The following BABAM2 variants were observed in gnomAD, a reference collection of about 807,000 sequenced individuals.
The protein encoded by BABAM2 is BRISC and BRCA1-A complex member 2.
In BABAM2, 31 loss-of-function variants were observed where a neutral mutation model predicts 54.7. That is an observed-to-expected ratio of 0.57 (90% CI 0.43 to 0.77). The LOEUF is 0.77. Ranked by LOEUF, BABAM2 falls within the 30% of genes least tolerant of loss-of-function variation. BABAM2 has a pLI of 0.00. For missense variants in BABAM2, 364 were observed against 455.8 expected (o/e 0.80, Z 1.83); for synonymous variants, 167 against 162.9 (o/e 1.03, Z -0.19).
At chr2:28,101,413 G>T (rs1667070149) in intron 6 of BABAM2, among the ~76,000 whole-genome samples, 1 of 152,144 alleles carries the variant, frequency 6.6e-6, no homozygotes, top group South Asian at 2.1e-4. Context: ...GGTATATGTT[G>T]GCATGTGAAG....
chr2:28,080,618 G>T (rs1245011901), intron 6 of BABAM2, among the ~76,000 whole-genome samples: 1 of 152,166 alleles, frequency 6.6e-6, no homozygotes, highest in South Asian at 2.1e-4. Flanking sequence ...TGTTAGAAGA[G>T]ACCAATCTGT....
intron 7 of BABAM2, among the ~76,000 whole-genome samples, chr2:28,160,181 T>C (rs1256180884): frequency 6.6e-6 from 1 of 152,084 alleles, no homozygotes; most frequent in Non-Finnish European, 1.5e-5. Flanking sequence ...GGGGCCTCAC[T>C]AAGTTGCTCA....
chr2:27,990,528 T>C (rs1221276572), intron 4 of BABAM2, among the ~76,000 whole-genome samples: 2 of 152,120 alleles, frequency 1.3e-5, no homozygotes, highest in Non-Finnish European at 2.9e-5. Context: ...ACAGAATGCC[T>C]AGATTTCTTG....
chr2:27,987,877 C>A, intron 3 of BABAM2, 116 bp from the exon 4 acceptor site: 3 of 803,610 alleles, frequency 3.7e-6, no homozygotes, highest in Non-Finnish European at 3.9e-6. Context: ...AAGTGCTTTT[C>A]AAATGGTTTT....
intron 3 of BABAM2, among the ~76,000 whole-genome samples, chr2:27,982,446 T>C (rs1445671383): frequency 1.3e-5 from 2 of 152,156 alleles, no homozygotes; most frequent in African/African-American, 4.8e-5. Flanking sequence ...TTTATTCTTA[T>C]GTTTCCTTGA....
At chr2:28,180,216 A>G (rs970108148) in intron 7 of BABAM2, among the ~76,000 whole-genome samples, 2 of 152,198 alleles carry the variant, frequency 1.3e-5, no homozygotes, top group Non-Finnish European at 2.9e-5. Context: ...ACTGCAAAAT[A>G]TATTACAAGA....
chr2:28,330,192 A>G (rs1055431907), intron 11 of BABAM2, among the ~76,000 whole-genome samples: 2 of 152,228 alleles, frequency 1.3e-5, no homozygotes, highest in African/African-American at 4.8e-5. Flanking sequence ...TCAAAATAAT[A>G]AGAGCCATTT....
chr2:28,224,353 A>G (rs1680676654), intron 7 of BABAM2, among the ~76,000 whole-genome samples: 1 of 152,338 alleles, frequency 6.6e-6, no homozygotes, highest in Non-Finnish European at 1.5e-5. Flanking sequence ...TAATTTAAAA[A>G]CAAGAAACAA....
intron 7 of BABAM2, among the ~76,000 whole-genome samples, chr2:28,166,849 A>G (rs772911046): frequency 7.9e-5 from 12 of 152,020 alleles, no homozygotes; most frequent in Non-Finnish European, 1.5e-4. Context: ...ACTTGCTTCC[A>G]TCTCCCCTTT....
At chr2:28,128,103 CGCCCA>C (rs1669728266) in intron 6 of BABAM2, among the ~76,000 whole-genome samples, 1 of 152,128 alleles carries the variant, frequency 6.6e-6, no homozygotes, top group Non-Finnish European at 1.5e-5. Context: ...TGAGCCACCG[CGCCCA>C]GCCGAGTAAT....
At chr2:28,099,445 G>A (rs1427966307) in intron 6 of BABAM2, among the ~76,000 whole-genome samples, 2 of 152,146 alleles carry the variant, frequency 1.3e-5, no homozygotes, top group Non-Finnish European at 2.9e-5. Context: ...ATAAGCACTT[G>A]TTGCATTAAC....
intron 6 of BABAM2, among the ~76,000 whole-genome samples, chr2:28,102,222 T>G (rs188777369): frequency 5.3e-5 from 8 of 152,198 alleles, no homozygotes; most frequent in Non-Finnish European, 8.8e-5. Context: ...AATGAAACGC[T>G]TTTTCACTGT....
intron 5 of BABAM2, among the ~76,000 whole-genome samples, chr2:28,033,239 T>C (rs1676426081): frequency 6.6e-6 from 1 of 152,062 alleles, no homozygotes; most frequent in Non-Finnish European, 1.5e-5. Flanking sequence ...TTATTATTAT[T>C]TATTATCTCT....
chr2:28,025,815 C>T (rs1289855157), intron 5 of BABAM2, among the ~76,000 whole-genome samples: 1 of 152,184 alleles, frequency 6.6e-6, no homozygotes, highest in Non-Finnish European at 1.5e-5. Context: ...TAAGAGAGGT[C>T]AGTAACTCTG....
chr2:28,327,362 C>T (rs1201119373), intron 11 of BABAM2: 2 of 1,613,876 alleles, frequency 1.2e-6, no homozygotes, highest in Admixed American at 1.7e-5. Context: ...GCTGCTCCAG[C>T]CCCAGAGGAA....
intron 4 of BABAM2, among the ~76,000 whole-genome samples, chr2:28,022,996 CTAGAGGAATTTT>C (rs1675385857): frequency 6.6e-6 from 1 of 152,126 alleles, no homozygotes; most frequent in African/African-American, 2.4e-5. Flanking sequence ...TGTAGCAATA[CTAGAGGAATTTT>C]TATCTTGTTT....
chr2:28,330,092 T>C (rs1690817324), intron 11 of BABAM2, among the ~76,000 whole-genome samples: 1 of 152,198 alleles, frequency 6.6e-6, no homozygotes, highest in Non-Finnish European at 1.5e-5. Context: ...CACATGATTA[T>C]CTCAATAGAT....
chr2:28,019,876 G>A (rs1275772095), intron 4 of BABAM2, among the ~76,000 whole-genome samples: 5 of 152,062 alleles, frequency 3.3e-5, no homozygotes, highest in African/African-American at 1.2e-4. Flanking sequence ...TACCAGTAAC[G>A]TGCTGTTTTG....
intron 3 of BABAM2, among the ~76,000 whole-genome samples, chr2:27,977,088 A>G (rs1349569262): frequency 6.6e-6 from 1 of 152,202 alleles, no homozygotes. Flanking sequence ...ACTCAAGATG[A>G]AAAGAATGCT....
Sources: gnomAD v4.1 joint callset for allele counts (sites outside exome capture counted in the v4.1 genomes callset) on GRCh38, gnomAD v4.1.1 for gene constraint, MANE v1.5 for transcripts, NCBI Gene and HGNC (gene_info 2026-07-23, HGNC 2026-07-21) for gene names.